Variants in MELK observed in about 807,000 individuals in gnomAD.
MELK encodes pEg3 kinase.
A neutral mutation model predicts 85.0 loss-of-function variants in MELK; 81 were observed. That is an observed-to-expected ratio of 0.95 (90% CI 0.80 to 1.15). MELK has a LOEUF of 1.15. Among genes scored for constraint, MELK ranks in the 50% most tolerant of loss-of-function variants. The probability of loss-of-function intolerance (pLI) is 0.00; values close to 1 mark genes in which losing one functional copy is unlikely to be tolerated. For synonymous variants in MELK, 252 were observed against 265.0 expected (o/e 0.95, Z 0.48); for missense variants, 754 against 777.5 (o/e 0.97, Z 0.36).
At chr9:36,617,790 C>A (rs1826993656) in intron 8 of MELK, among the ~76,000 whole-genome samples, 1 of 152,016 alleles carries the variant, frequency 6.6e-6, no homozygotes, top group Non-Finnish European at 1.5e-5. Context: ...ATAAAAAAAA[C>A]TGTAGAGATT....
chr9:36,608,923 G>A (rs185724813), intron 8 of MELK, among the ~76,000 whole-genome samples: 35 of 152,240 alleles, frequency 2.3e-4, no homozygotes, highest in African/African-American at 7.5e-4. Context: ...TCAATGAAAA[G>A]CTTAACAAAA....
intron 8 of MELK, among the ~76,000 whole-genome samples, chr9:36,614,949 TGG>T (rs1260544796): frequency 6.7e-6 from 1 of 148,384 alleles, no homozygotes; most frequent in African/African-American, 2.5e-5. Context: ...AATGAGCTGT[TGG>T]GCACACCTCC....
chr9:36,618,304 G>A (rs1656064521), intron 8 of MELK, among the ~76,000 whole-genome samples: 1 of 151,494 alleles, frequency 6.6e-6, no homozygotes. Flanking sequence ...AGCTACTTTG[G>A]AGGCTGAGGC....
intron 15 of MELK, 85 bp from the exon 16 acceptor site, chr9:36,670,913 T>C: frequency 7.0e-7 from 1 of 1,418,824 alleles, no homozygotes; most frequent in South Asian, 1.6e-5. Context: ...TCCTAATGTG[T>C]ATGAAGGGAC....
chr9:36,647,772 A>T (rs112559596), intron 11 of MELK, among the ~76,000 whole-genome samples: 1,900 of 152,238 alleles, frequency 0.012, 25 homozygotes, highest in Non-Finnish European at 0.017. Flanking sequence ...TAAAACATGT[A>T]TGAGCCACTG....
chr9:36,645,773 GCAGC>G (rs1323932870), intron 11 of MELK, among the ~76,000 whole-genome samples: 1 of 152,152 alleles, frequency 6.6e-6, no homozygotes, highest in Non-Finnish European at 1.5e-5. Context: ...ACTGTGGTAC[GCAGC>G]CAGAGTCGAG....
chr9:36,665,281 C>G lies in MELK; in HGVS notation c.1177-69C>G, dbSNP rs1832227298. On this transcript the variant is annotated intron_variant, in intron 13 of 17. Coordinates refer to ENST00000298048, the MANE Select transcript of MELK (RefSeq NM_014791.4). ...TAGTACAAGGTAGTTTGCAAATGAT[C>G]AAGGAATGTTGTAAAGAAATTGACT... 12 of 916,176 alleles carry G rather than the reference C, an allele frequency of 1.3e-5. No individual in the cohort carries two copies. The South Asian group carries it at 2.0e-4, about 15-fold the overall frequency. 56.8% of individuals were successfully genotyped at this position (916,176 alleles called of 1,614,324 possible). A position where few individuals can be genotyped will look rare whatever the true frequency, so the allele number is the denominator to read the frequency against.
chr9:36,615,415 C>G (rs555377070), intron 8 of MELK, among the ~76,000 whole-genome samples: 1 of 135,484 alleles, frequency 7.4e-6, no homozygotes, highest in African/African-American at 3.2e-5. Flanking sequence ...ACCTCCCTCC[C>G]GGACGGCACG....
intron 6 of MELK, 30 bp from the exon 7 acceptor site, chr9:36,599,364 T>G: frequency 1.4e-6 from 2 of 1,386,192 alleles, no homozygotes; most frequent in Non-Finnish European, 2.0e-6. Context: ...GCGTTGTAAT[T>G]AATAAGTTTC....
At position 36,608,813 on chromosome 9, in the gene MELK, C is replaced by A. The variant is rs916524651; in HGVS notation, c.666+1140C>A. 4.6e-5 allele frequency among the ~76,000 whole-genome samples: 7 copies of A among 152,052 alleles called. No individual in the cohort carries two copies. In the East Asian group the frequency reaches 1.3e-3, roughly 29 times the overall value. On this transcript the variant is annotated intron_variant, in intron 8 of 17. Transcript: ENST00000298048. ...GGTCAGGCTGGTCTCGAACTCCCGA[C>A]CTCAGGTGATTTGCCTGCCTCGGCC... is the stretch of plus-strand genomic sequence containing the variant.
rs118141366 is a variant in MELK at position 36,650,458 on chromosome 9, G to C, written c.922-1288G>C. On this transcript the variant is annotated intron_variant, in intron 11 of 17. Transcript: ENST00000298048. ...TAAAAATGAAAGTTCATACAAAAAG[G>C]CTGGAGAATCAAAACCTAAATGACT... Among the ~76,000 whole-genome samples, 567 of 152,178 alleles carry C rather than the reference G, an allele frequency of 3.7e-3. 1 individual carries two copies. The highest frequency in any genetic ancestry group is 0.01 in the Middle Eastern group (3 of 294).
chr9:36,641,419 G>A (rs928848448), intron 10 of MELK, among the ~76,000 whole-genome samples: 2 of 152,080 alleles, frequency 1.3e-5, no homozygotes, highest in Non-Finnish European at 2.9e-5. Flanking sequence ...ACTAAGGTCT[G>A]TCTAATTCCC....
chr9:36,626,044 T>C (rs118032066), intron 8 of MELK, among the ~76,000 whole-genome samples: 3 of 152,216 alleles, frequency 2.0e-5, no homozygotes, highest in East Asian at 1.9e-4. Flanking sequence ...GTTAGAAATA[T>C]AAGTGCAAGT....
chr9:36,630,404 A>G, intron 9 of MELK, 37 bp downstream of exon 9: 1 of 1,522,544 alleles, frequency 6.6e-7, no homozygotes, highest in Admixed American at 1.7e-5. Context: ...GTCTATTGTA[A>G]TTGTTTGGTT....
chr9:36,673,509 G>GCCTCAACCTTCTGGGCTCAAGTCAT (rs1314530632), intron 16 of MELK, among the ~76,000 whole-genome samples: 11 of 152,136 alleles, frequency 7.2e-5, no homozygotes, highest in Admixed American at 7.2e-4. Context: ...GCTCACTGCA[G>GCCTCAACCTTCTGGGCTCAAGTCAT]CCTCAACCTT....
intron 8 of MELK, among the ~76,000 whole-genome samples, chr9:36,615,860 C>G (rs888967951): frequency 4.6e-5 from 7 of 150,870 alleles, no homozygotes; most frequent in African/African-American, 1.5e-4. Flanking sequence ...AGACGCTCCT[C>G]ACTTTCCAGA....
chr9:36,667,672 TAAGG>T (rs1198469062), intron 14 of MELK, among the ~76,000 whole-genome samples: 1 of 152,236 alleles, frequency 6.6e-6, no homozygotes, highest in African/African-American at 2.4e-5. Context: ...ACGAGCCACT[TAAGG>T]AAGCAAGTGG....
intron 10 of MELK, among the ~76,000 whole-genome samples, chr9:36,636,838 T>TTTC (rs530666218): frequency 0.011 from 1,275 of 118,588 alleles, 24 homozygotes; most frequent in African/African-American, 0.048. Context: ...CTTGTCTTTC[T>TTTC]TGTCTTTCTT....
intron 1 of MELK, among the ~76,000 whole-genome samples, chr9:36,575,527 A>G (rs1821570752): frequency 6.6e-6 from 1 of 152,184 alleles, no homozygotes; most frequent in Non-Finnish European, 1.5e-5. Flanking sequence ...GCTATAATCT[A>G]GGCCCACATT....
Sources: gnomAD v4.1 joint callset for allele counts (sites outside exome capture counted in the v4.1 genomes callset) on GRCh38, gnomAD v4.1.1 for gene constraint, MANE v1.5 for transcripts, NCBI Gene and HGNC (gene_info 2026-07-23, HGNC 2026-07-21) for gene names.